The following EPB41L4B variants were observed in gnomAD, a reference collection of about 807,000 sequenced individuals.
EPB41L4B encodes erythrocyte membrane protein band 4.1 like 4B.
EPB41L4B carries 30 observed loss-of-function variants against 112.5 expected under a neutral mutation model. The ratio of observed to expected loss-of-function variants is 0.27; its 90% CI spans 0.20 to 0.36. EPB41L4B has a LOEUF of 0.36. Among genes scored for constraint, EPB41L4B ranks in the 10% least tolerant of loss-of-function variants. The pLI, the probability that EPB41L4B is intolerant of heterozygous loss-of-function variation, is 1.00. For missense variants in EPB41L4B, 1,024 were observed against 1,133.3 expected (o/e 0.90, Z 1.38); for synonymous variants, 408 against 439.7 (o/e 0.93, Z 0.90).
chr9:109,288,752 A>AAAAAAAAAAAAAAC (rs1836405574), intron 1 of EPB41L4B, among the ~76,000 whole-genome samples: 1 of 147,298 alleles, frequency 6.8e-6, no homozygotes, highest in Non-Finnish European at 1.5e-5. Flanking sequence ...AAAAAAAAAA[A>AAAAAAAAAAAAAAC]AAGCTGGGTG....
chr9:109,184,812 C>T (rs149847017), intron 23 of EPB41L4B, among the ~76,000 whole-genome samples: 4 of 152,148 alleles, frequency 2.6e-5, no homozygotes, highest in Non-Finnish European at 5.9e-5. Flanking sequence ...TGACAAACTG[C>T]GAACAAAGCG....
intron 15 of EPB41L4B, chr9:109,241,098 A>G (rs1222817526): frequency 1.0e-6 from 1 of 985,490 alleles, no homozygotes; most frequent in East Asian, 1.1e-4. Context: ...TTGTGATAAA[A>G]TTAGTTTGAA....
At chr9:109,214,684 T>C (rs547695618) in intron 16 of EPB41L4B, among the ~76,000 whole-genome samples, 12 of 152,120 alleles carry the variant, frequency 7.9e-5, no homozygotes, top group Non-Finnish European at 1.5e-4. Flanking sequence ...AGTAGAGTAT[T>C]TTGTAAGAAG....
At chr9:109,179,093 G>A (rs118108307) in intron 24 of EPB41L4B, among the ~76,000 whole-genome samples, 286 of 152,326 alleles carry the variant, frequency 1.9e-3, no homozygotes, top group Admixed American at 3.4e-3. Context: ...AGATTAGAAA[G>A]AAGCATGTAG....
intron 1 of EPB41L4B, among the ~76,000 whole-genome samples, chr9:109,287,491 G>A (rs1174395974): frequency 1.3e-5 from 2 of 152,202 alleles, no homozygotes; most frequent in Non-Finnish European, 2.9e-5. Context: ...AGCTGTATGT[G>A]AGCGTGCCAG....
rs1236711605 is a variant in EPB41L4B at position 109,191,379 on chromosome 9, T to C, written c.2301+899A>G. Among the ~76,000 whole-genome samples the C allele has an allele frequency of 2.6e-5, 4 of 152,170 alleles. No individual in the cohort carries two copies. The East Asian group carries it at 7.7e-4, about 29-fold the overall frequency. On this transcript the variant is annotated intron_variant, in intron 22 of 25. Coordinates refer to ENST00000374566, the MANE Select transcript of EPB41L4B (RefSeq NM_019114.5). ...TCTCAGTGCAGTGCAAGGACCTCAG[T>C]TGTCCCATGCCTGAGCAGTGAAACA...
At chr9:109,238,592 C>G (rs1834236063) in intron 15 of EPB41L4B, among the ~76,000 whole-genome samples, 1 of 151,858 alleles carries the variant, frequency 6.6e-6, no homozygotes, top group South Asian at 2.1e-4. Context: ...ATGCAGTGTA[C>G]AGGTTTCAGG....
chr9:109,292,350 G>C (rs1244121193), intron 1 of EPB41L4B, among the ~76,000 whole-genome samples: 2 of 152,188 alleles, frequency 1.3e-5, no homozygotes, highest in East Asian at 3.8e-4. Flanking sequence ...TACTGACAGG[G>C]ACATTAACAA....
intron 15 of EPB41L4B, among the ~76,000 whole-genome samples, chr9:109,217,863 G>T (rs62576377): frequency 0.11 from 17,159 of 151,882 alleles, 1,197 homozygotes; most frequent in East Asian, 0.28. Context: ...GTAAGCCACT[G>T]TGCCCAGCTT....
At chr9:109,258,412 G>A in intron 6 of EPB41L4B, 115 bp from the exon 7 acceptor site, 7 of 1,086,186 alleles carry the variant, frequency 6.4e-6, no homozygotes, top group African/African-American at 1.6e-5. Context: ...CCGCCCCAAT[G>A]TATAACTCTC....
intron 16 of EPB41L4B, among the ~76,000 whole-genome samples, chr9:109,215,376 T>A (rs1833325554): frequency 6.6e-6 from 1 of 152,044 alleles, no homozygotes; most frequent in Non-Finnish European, 1.5e-5. Flanking sequence ...ACCTCCCAGG[T>A]TCAAGTGATT....
intron 15 of EPB41L4B, among the ~76,000 whole-genome samples, chr9:109,224,035 A>AAAAT: frequency 6.6e-6 from 1 of 151,556 alleles, no homozygotes; most frequent in South Asian, 2.1e-4. Context: ...AAAATAAAAT[A>AAAAT]AAAATAAAAT....
intron 15 of EPB41L4B, among the ~76,000 whole-genome samples, chr9:109,220,729 G>A (rs1833543649): frequency 6.6e-6 from 1 of 152,138 alleles, no homozygotes; most frequent in Admixed American, 6.5e-5. Context: ...GCTCAAGGAC[G>A]GTTCTGTGTG....
chr9:109,194,349 G>C lies in EPB41L4B; in HGVS notation c.2094C>G (p.Thr698=), dbSNP rs1564256628. The C allele has an allele frequency of 6.2e-7, 1 of 1,614,152 alleles. No homozygotes were observed. The highest frequency in any genetic ancestry group is 8.5e-7 in the Non-Finnish European group (1 of 1,180,032). Reference sequence around the variant, plus strand: ...TTGTGGTGTTTGTGGTTGTAGATGTGGTCACTCCCACTGCCTCGGCCAGGT... The same window carrying C: ...TTGTGGTGTTTGTGGTTGTAGATGTCGTCACTCCCACTGCCTCGGCCAGGT... ...PPDLAEAVGV[T]TSTTTNTTTA... is the part of the protein sequence containing the mutation. The change falls in exon 21 of 26, where the codon ACC becomes ACG. Residue 698 remains threonine (T), a synonymous_variant. Transcript: ENST00000374566.
intron 1 of EPB41L4B, among the ~76,000 whole-genome samples, chr9:109,290,839 C>G (rs150366846): frequency 0.01 from 1,524 of 151,858 alleles, 29 homozygotes; most frequent in African/African-American, 0.034. Context: ...CCGTCACAAA[C>G]AAATATAAAC....
intron 15 of EPB41L4B, among the ~76,000 whole-genome samples, chr9:109,237,620 T>G (rs148481628): frequency 6.6e-6 from 1 of 152,036 alleles, no homozygotes; most frequent in African/African-American, 2.4e-5. Flanking sequence ...GGGGACAGGA[T>G]TTTTAGACTG....
intron 15 of EPB41L4B, among the ~76,000 whole-genome samples, chr9:109,224,463 T>C (rs1833694565): frequency 6.6e-6 from 1 of 152,166 alleles, no homozygotes; most frequent in Non-Finnish European, 1.5e-5. Flanking sequence ...ATTATATTAT[T>C]CCATTTATAT....
At chr9:109,262,749 C>T (rs1835261740) in intron 6 of EPB41L4B, among the ~76,000 whole-genome samples, 2 of 152,234 alleles carry the variant, frequency 1.3e-5, no homozygotes, top group South Asian at 4.1e-4. Context: ...CATCACTCAA[C>T]TGCTGCTAAC....
chr9:109,270,854 C>T (rs535127749), intron 2 of EPB41L4B, among the ~76,000 whole-genome samples: 2 of 152,182 alleles, frequency 1.3e-5, no homozygotes, highest in Non-Finnish European at 2.9e-5. Flanking sequence ...GTATTACCAT[C>T]ACTTGAGGAA....
Sources: gnomAD v4.1 joint callset for allele counts (sites outside exome capture counted in the v4.1 genomes callset) on GRCh38, gnomAD v4.1.1 for gene constraint, MANE v1.5 for transcripts, NCBI Gene and HGNC (gene_info 2026-07-23, HGNC 2026-07-21) for gene names.